RTF1: variants seen among roughly 807,000 people sequenced by gnomAD.
The protein encoded by RTF1 is RTF1 homolog, Paf1/RNA polymerase II complex component.
In RTF1, 10 loss-of-function variants were observed where a neutral mutation model predicts 95.7. That is an observed-to-expected ratio of 0.10 (90% CI 0.06 to 0.18). RTF1 has a LOEUF of 0.18. RTF1 is among the 10% of genes least tolerant of loss of function. The pLI is 1.00. For synonymous variants in RTF1, 305 were observed against 311.8 expected (o/e 0.98, Z 0.23); for missense variants, 458 against 875.6 (o/e 0.52, Z 6.02).
intron 8 of RTF1, among the ~76,000 whole-genome samples, chr15:41,471,898 T>C (rs140074312): frequency 0.015 from 2,250 of 152,008 alleles, 52 homozygotes; most frequent in African/African-American, 0.051. Flanking sequence ...TTATTATTAT[T>C]TTTTTATTTT....
At chr15:41,433,369 C>T (rs184943570) in intron 1 of RTF1, among the ~76,000 whole-genome samples, 11 of 152,184 alleles carry the variant, frequency 7.2e-5, no homozygotes, top group Non-Finnish European at 1.2e-4. Context: ...GAGTCTCACT[C>T]TGTTGCCCAG....
At chr15:41,473,040 C>T (rs1296027164) in intron 8 of RTF1, among the ~76,000 whole-genome samples, 2 of 151,970 alleles carry the variant, frequency 1.3e-5, no homozygotes, top group Non-Finnish European at 2.9e-5. Context: ...TAGCAACAGC[C>T]TCTCTCTGTT....
intron 6 of RTF1, among the ~76,000 whole-genome samples, chr15:41,469,247 T>A (rs2050897067): frequency 6.6e-6 from 1 of 152,006 alleles, no homozygotes; most frequent in Non-Finnish European, 1.5e-5. Flanking sequence ...GAGCCAACAC[T>A]CCCAGCCTAA....
intron 14 of RTF1, 174 bp from the exon 15 acceptor site, chr15:41,478,374 C>G: frequency 1.7e-6 from 1 of 591,202 alleles, no homozygotes. Context: ...GCACTTCAGC[C>G]TAGGCGACAG....
At chr15:41,476,345 C>A in intron 11 of RTF1, 101 bp from the exon 12 acceptor site, 2 of 860,758 alleles carry the variant, frequency 2.3e-6, no homozygotes, top group Non-Finnish European at 4.0e-6. Flanking sequence ...GAAGAGCAGC[C>A]CCTTTGTAAC....
At position 41,439,243 on chromosome 15, in the gene RTF1, C is replaced by T. The variant is rs773254601; in HGVS notation, c.309+812C>T. On this transcript the variant is annotated intron_variant, in intron 2 of 17. Transcript: ENST00000389629. ...TAGAGACGGGGTTTCACTGTGTTAG[C>T]CAGGGTGGTCTCAATCTCCTGACCT... is the stretch of plus-strand genomic sequence containing the variant. 3.3e-5 allele frequency among the ~76,000 whole-genome samples: 5 copies of T among 151,752 alleles called. No individual in the cohort carries two copies. In the South Asian group the frequency reaches 1.0e-3, roughly 32 times the overall value.
At chr15:41,466,035 C>T (rs147202902) in intron 5 of RTF1, 106 bp from the exon 6 acceptor site, 71 of 658,142 alleles carry the variant, frequency 1.1e-4, no homozygotes, top group African/African-American at 9.9e-4. Flanking sequence ...TAAGTTTTTG[C>T]AGCCCATATA....
At chr15:41,476,625 A>G (rs1482278291) in intron 12 of RTF1, 102 bp downstream of exon 12, 1 of 1,091,538 alleles carries the variant, frequency 9.2e-7, no homozygotes, top group Non-Finnish European at 1.4e-6. Context: ...ATTGGGAGAA[A>G]ATTCTGGGCT....
At position 41,478,759 on chromosome 15, in the gene RTF1, C is replaced by T. The variant is rs1037530629; in HGVS notation, c.1818+134C>T. On this transcript the variant is annotated intron_variant, in intron 15 of 17. Transcript: ENST00000389629. ...ATTTGCTTGTCTGAAGCTCTTGGGT[C>T]TGGATACTTCCTTTTTTATCTTGCT... 18 of 753,382 alleles carry T rather than the reference C, an allele frequency of 2.4e-5. No individual in the cohort carries two copies. In the African/African-American group the frequency reaches 3.0e-4, roughly 12 times the overall value. The allele number at this position is 753,382 out of a possible 1,614,324, so 46.7% of individuals were successfully genotyped here.
chr15:41,475,512 C>T lies in RTF1; in HGVS notation c.1287-13C>T, dbSNP rs1403502884. 6.2e-7 allele frequency: 1 copy of T among 1,611,514 alleles called. No homozygotes were observed. The highest frequency in any genetic ancestry group is 8.5e-7 in the Non-Finnish European group (1 of 1,177,798). On this transcript the variant is annotated splice_polypyrimidine_tract_variant and intron_variant, in intron 9 of 17. Transcript: ENST00000389629. Reference sequence around the variant, plus strand: ...TGCACATTTCTTGGAGATGCTGTCTCTCTTTTATGTAGGCATGGCAATGAC... The same window carrying T: ...TGCACATTTCTTGGAGATGCTGTCTTTCTTTTATGTAGGCATGGCAATGAC...
intron 1 of RTF1, among the ~76,000 whole-genome samples, chr15:41,432,392 T>A (rs2050679527): frequency 6.7e-6 from 1 of 150,326 alleles, no homozygotes; most frequent in Non-Finnish European, 1.5e-5. Context: ...AGAGACAGGG[T>A]TTCACTGTGT....
rs569183909 is a variant in RTF1 at position 41,436,783 on chromosome 15, GTC to G, written c.199-1534_199-1533del. Among the ~76,000 whole-genome samples, 8 of 152,016 alleles carry G rather than the reference GTC, an allele frequency of 5.3e-5. No homozygotes were observed. In the South Asian group the frequency reaches 1.5e-3, roughly 28 times the overall value. On this transcript the variant is annotated intron_variant, in intron 1 of 17. Coordinates refer to ENST00000389629, the MANE Select transcript of RTF1 (RefSeq NM_015138.5). ...CACTCTAGACTGGGCAACAGAGTGA[GTC>G]TCTGTCTCAAAAACAATAAGAGACC...
chr15:41,452,761 C>G, intron 2 of RTF1, 140 bp from the exon 3 acceptor site: 2 of 669,708 alleles, frequency 3.0e-6, no homozygotes, highest in Non-Finnish European at 4.6e-6. Context: ...TTTCAAAAAT[C>G]TGTATTTTTT....
In RTF1 at chr15:41,474,621, T is replaced by C. The variant is rs2140655218; in HGVS notation, c.1205T>C (p.Val402Ala). ...TGGCGTCTCTGTCCTCTCACTTAGG[T>C]CGCTGAGATTACGGGTGTTGTGGAA... ...GNHNSKPVYR[V>A]AEITGVVETA... Residue 402 changes from valine (V) to alanine (A), a missense_variant and splice_region_variant, in exon 9 of 18, where the codon GTC becomes GCC. Around this residue, in one of 11 missense-constraint regions of RTF1, gnomAD observed 150 missense variants for 275.7 expected, o/e 0.54. Transcript: ENST00000389629. 6.2e-7 allele frequency: 1 copy of C among 1,612,964 alleles called. No individual in the cohort carries two copies. The highest frequency in any genetic ancestry group is 2.2e-5 in the East Asian group (1 of 44,880).
At chr15:41,468,422 A>C (rs1391822245) in intron 6 of RTF1, among the ~76,000 whole-genome samples, 1 of 151,628 alleles carries the variant, frequency 6.6e-6, no homozygotes, top group East Asian at 2.0e-4. Context: ...GGTTCACACC[A>C]TTCTCCTGCC....
At chr15:41,424,217 A>G (rs1343129167) in intron 1 of RTF1, among the ~76,000 whole-genome samples, 1 of 152,190 alleles carries the variant, frequency 6.6e-6, no homozygotes, top group Non-Finnish European at 1.5e-5. Context: ...CAATTGCACT[A>G]CAGGCCATGA....
intron 1 of RTF1, among the ~76,000 whole-genome samples, chr15:41,429,740 C>T (rs1034914488): frequency 1.3e-5 from 2 of 152,222 alleles, no homozygotes; most frequent in Admixed American, 6.6e-5. Flanking sequence ...GTCCAGAAAA[C>T]TGTACCATCT....
intron 2 of RTF1, chr15:41,440,455 C>G (rs2050727601): frequency 6.6e-6 from 1 of 151,342 alleles, no homozygotes; most frequent in African/African-American, 2.4e-5. Context: ...TCCCAAAGTG[C>G]TGGGATTATA....
At chr15:41,448,281 A>G (rs74012293) in intron 2 of RTF1, among the ~76,000 whole-genome samples, 2,427 of 152,266 alleles carry the variant, frequency 0.016, 76 homozygotes, top group African/African-American at 0.056. Context: ...TTAAATAAGA[A>G]TAATACTGAG....
Sources: gnomAD v4.1 joint callset for allele counts (sites outside exome capture counted in the v4.1 genomes callset) on GRCh38, gnomAD v4.1.1 for gene constraint, gnomAD v4.1.1 regional missense constraint, MANE v1.5 for transcripts, NCBI Gene and HGNC (gene_info 2026-07-23, HGNC 2026-07-21) for gene names.